APMAP: variants seen among roughly 807,000 people sequenced by gnomAD.
APMAP encodes adipocyte plasma membrane associated protein, also known as adipocyte plasma membrane-associated protein.
APMAP carries 33 observed loss-of-function variants against 43.6 expected under a neutral mutation model. The observed-to-expected ratio is 0.76, with a 90% confidence interval of 0.57 to 1.01. The LOEUF is 1.01. Among genes scored for constraint, APMAP ranks in the 50% least tolerant of loss-of-function variants. The pLI is 0.00. For missense variants in APMAP, 498 were observed against 540.7 expected (o/e 0.92, Z 0.78); for synonymous variants, 224 against 216.7 (o/e 1.03, Z -0.30).
intron 8 of APMAP, among the ~76,000 whole-genome samples, chr20:24,967,587 CA>C (rs2087956978): frequency 6.6e-6 from 1 of 152,240 alleles, no homozygotes; most frequent in Non-Finnish European, 1.5e-5. Flanking sequence ...ACATTCTATT[CA>C]GGGGAAGAGA....
At chr20:24,975,323 A>G (rs894731886) in intron 3 of APMAP, among the ~76,000 whole-genome samples, 6 of 152,210 alleles carry the variant, frequency 3.9e-5, no homozygotes, top group African/African-American at 1.4e-4. Flanking sequence ...GAACCAAGCA[A>G]TTATAGCATG....
chr20:24,976,902 A>C (rs2088054278), intron 3 of APMAP, among the ~76,000 whole-genome samples: 1 of 152,272 alleles, frequency 6.6e-6, no homozygotes, highest in Non-Finnish European at 1.5e-5. Flanking sequence ...AAATAAATGC[A>C]TACTACTAAG....
At chr20:24,974,717 C>T (rs1286158121) in intron 3 of APMAP, among the ~76,000 whole-genome samples, 7 of 152,146 alleles carry the variant, frequency 4.6e-5, no homozygotes, top group African/African-American at 1.7e-4. Context: ...AGACAGAGAA[C>T]ACTTCAGACC....
At chr20:24,989,393 T>C (rs2088173551) in intron 1 of APMAP, among the ~76,000 whole-genome samples, 1 of 152,228 alleles carries the variant, frequency 6.6e-6, no homozygotes, top group African/African-American at 2.4e-5. Flanking sequence ...GGCTGGGCCA[T>C]GATTTACACA....
At chr20:24,992,451 T>C (rs902931812) in intron 1 of APMAP, 143 bp downstream of exon 1, 1 of 625,484 alleles carries the variant, frequency 1.6e-6, no homozygotes, top group Non-Finnish European at 2.4e-6. Flanking sequence ...TGAGTTTTTC[T>C]TGGGGATGAA....
chr20:24,979,748 C>T (rs1243992685), intron 2 of APMAP, among the ~76,000 whole-genome samples: 1 of 152,140 alleles, frequency 6.6e-6, no homozygotes, highest in East Asian at 1.9e-4. Flanking sequence ...TCACCTAGAG[C>T]CAAGTCCTGG....
chr20:24,968,836 AAT>A, intron 8 of APMAP, 54 bp downstream of exon 8: 1 of 1,508,060 alleles, frequency 6.6e-7, no homozygotes, highest in African/African-American at 1.4e-5. Flanking sequence ...GGGTCAAAAA[AAT>A]ATGATTCAAT....
intron 8 of APMAP, 38 bp from the exon 9 acceptor site, chr20:24,964,060 G>A (rs778867719): frequency 1.7e-5 from 27 of 1,601,238 alleles, no homozygotes; most frequent in South Asian, 1.7e-4. Flanking sequence ...TTCACCAGCT[G>A]GCCAAGAACA....
At chr20:24,970,397 AT>A (rs1193315840) in intron 5 of APMAP, 26 bp from the exon 6 acceptor site, 1 of 1,592,796 alleles carries the variant, frequency 6.3e-7, no homozygotes, top group African/African-American at 1.4e-5. Flanking sequence ...AAAGAAAAAG[AT>A]TGACTTGAAC....
chr20:24,969,070 C>T lies in APMAP; in HGVS notation c.863G>A (p.Gly288Asp). The T allele has an allele frequency of 6.2e-7, 1 of 1,600,912 alleles. No individual in the cohort carries two copies. Among genetic ancestry groups the T allele is most frequent in the Non-Finnish European group, 8.5e-7 (1 of 1,174,796 alleles). Residue 288 changes from glycine to aspartate, a missense_variant, in exon 8 of 9, where the codon GGC becomes GAC. Physicochemically the swap from Gly to Asp is moderately conservative, Grantham distance 94. Transcript: ENST00000217456. The stretch of plus-strand genomic sequence containing the variant: ...CAGATCAGCCCCGCCCTTCATCAGG[C>T]CAGAAACGTAGACTCTGAAAAATTC... ...MARIRRVYVS[G>D]LMKGGADLFV...
At chr20:24,971,739 A>G (rs1375967035) in intron 4 of APMAP, among the ~76,000 whole-genome samples, 163 bp from the exon 5 acceptor site, 2 of 152,244 alleles carry the variant, frequency 1.3e-5, no homozygotes, top group African/African-American at 4.8e-5. Context: ...TGCTCACTGC[A>G]GGTGCTTATT....
At chr20:24,984,116 C>G (rs2088128198) in intron 1 of APMAP, 97 bp from the exon 2 acceptor site, 1 of 906,890 alleles carries the variant, frequency 1.1e-6, no homozygotes, top group African/African-American at 1.7e-5. Flanking sequence ...CAGGGACGCT[C>G]ATCCAGTTTC....
intron 1 of APMAP, among the ~76,000 whole-genome samples, chr20:24,989,548 G>A (rs948821893): frequency 3.3e-5 from 5 of 152,110 alleles, no homozygotes; most frequent in African/African-American, 1.2e-4. Context: ...GATTGTTGTG[G>A]AAAACCTGAT....
rs1029099495 is a variant in APMAP, at chr20:24,963,374, C to T, written c.*439G>A. The T allele has an allele frequency of 3.4e-5, 6 of 178,892 alleles. No homozygotes were observed. The highest frequency in any genetic ancestry group is 5.6e-5 in the Admixed American group (1 of 18,018). The allele number at this position is 178,892 out of a possible 1,614,324, so 11.1% of individuals were successfully genotyped here. On this transcript the variant is annotated 3_prime_UTR_variant, in exon 9 of 9. Transcript: ENST00000217456. ...CTCTGCTCTTCCATCCCCACCACAA[C>T]GAAGAAAGGTATGACCGCACGTTAT...
intron 2 of APMAP, among the ~76,000 whole-genome samples, chr20:24,982,519 C>A (rs2088113567): frequency 6.6e-6 from 1 of 152,224 alleles, no homozygotes; most frequent in South Asian, 2.1e-4. Flanking sequence ...GGGCCACATA[C>A]CCCATTTCCC....
Position 24,968,900 on chromosome 20 carries a change from T to A in APMAP, c.1033A>T (p.Ile345Phe), listed in dbSNP as rs1293649510. ...LSERPWIKRM[I>F]FKLFSQETVM... ...ACAGTTTTCACAGTTACCTTAAAAA[T>A]CATCCTTTTAATCCAGGGTCTCTCA... Residue 345 changes from isoleucine (I) to phenylalanine (F), a missense_variant, in exon 8 of 9, where the codon ATT becomes TTT. Transcript: ENST00000217456. 6.3e-7 allele frequency: 1 copy of A among 1,587,454 alleles called. No homozygotes were observed. The highest frequency in any genetic ancestry group is 8.6e-7 in the Non-Finnish European group (1 of 1,169,336).
chr20:24,971,999 GGGTGCTCACTACA>G (rs1568812758), intron 4 of APMAP, among the ~76,000 whole-genome samples: 1 of 147,348 alleles, frequency 6.8e-6, no homozygotes, highest in Non-Finnish European at 1.5e-5. Context: ...GTTCACTGTG[GGGTGCTCACTACA>G]GGTGCTTACT....
intron 2 of APMAP, 21 bp downstream of exon 2, chr20:24,983,882 G>A (rs761893003): frequency 1.9e-6 from 3 of 1,547,758 alleles, no homozygotes. Flanking sequence ...AACCCCTCCT[G>A]AGGACTGCGG....
intron 2 of APMAP, among the ~76,000 whole-genome samples, chr20:24,980,700 G>A (rs910637923): frequency 6.6e-6 from 1 of 150,740 alleles, no homozygotes; most frequent in Non-Finnish European, 1.5e-5. Flanking sequence ...CTACACACTG[G>A]GCAGCGTGGC....
Sources: gnomAD v4.1 joint callset for allele counts (sites outside exome capture counted in the v4.1 genomes callset) on GRCh38, gnomAD v4.1.1 for gene constraint, MANE v1.5 for transcripts, NCBI Gene and HGNC (gene_info 2026-07-23, HGNC 2026-07-21) for gene names.